PDE4D: variants seen among roughly 807,000 people sequenced by gnomAD.
PDE4D encodes phosphodiesterase 4D, also known as 3',5'-cyclic-AMP phosphodiesterase 4D.
A neutral mutation model predicts 87.4 loss-of-function variants in PDE4D; 24 were observed. The ratio of observed to expected loss-of-function variants is 0.27; its 90% CI spans 0.20 to 0.39. The LOEUF (loss-of-function observed/expected upper bound fraction) is 0.39. Among genes scored for constraint, PDE4D ranks in the 10% least tolerant of loss-of-function variants. The pLI is 1.00. For synonymous variants in PDE4D, 384 were observed against 383.2 expected (o/e 1.00, Z -0.02); for missense variants, 714 against 1,041.0 (o/e 0.69, Z 4.32).
intron 1 of PDE4D, among the ~76,000 whole-genome samples, chr5:59,248,116 T>A (rs372506049): frequency 9.4e-5 from 14 of 148,544 alleles, no homozygotes; most frequent in African/African-American, 3.2e-4. Context: ...TAAGTTATGT[T>A]CTTGCACTAT....
intron 1 of PDE4D, among the ~76,000 whole-genome samples, chr5:59,659,406 G>A (rs1744880438): frequency 6.6e-6 from 1 of 152,208 alleles, no homozygotes. Context: ...TGTTAGTAAA[G>A]AGAAACAACC....
intron 1 of PDE4D, among the ~76,000 whole-genome samples, chr5:59,559,394 C>T (rs1819546372): frequency 6.6e-6 from 1 of 152,150 alleles, no homozygotes; most frequent in Non-Finnish European, 1.5e-5. Context: ...ATGTGGGATT[C>T]ATTACAATGT....
intron 5 of PDE4D, among the ~76,000 whole-genome samples, chr5:59,148,637 C>T (rs753781492): frequency 3.0e-4 from 46 of 152,096 alleles, no homozygotes; most frequent in Non-Finnish European, 5.1e-4. Context: ...ATAACCTGTC[C>T]TGTCTGGAAT....
At chr5:59,007,042 C>G (rs533904926) in intron 6 of PDE4D, among the ~76,000 whole-genome samples, 1 of 152,174 alleles carries the variant, frequency 6.6e-6, no homozygotes, top group South Asian at 2.1e-4. Context: ...TTATATTTAG[C>G]CTAGAGCCTA....
intron 2 of PDE4D, among the ~76,000 whole-genome samples, chr5:60,121,377 T>G (rs993792879): frequency 2.0e-5 from 3 of 152,044 alleles, no homozygotes; most frequent in African/African-American, 7.2e-5. Flanking sequence ...TGTATTAGTC[T>G]GTTTTCATGT....
chr5:59,690,450 CA>C (rs1750715475), intron 1 of PDE4D, among the ~76,000 whole-genome samples: 1 of 152,050 alleles, frequency 6.6e-6, no homozygotes, highest in African/African-American at 2.4e-5. Context: ...ACAAACCTGA[CA>C]ACAATAAGAA....
intron 1 of PDE4D, among the ~76,000 whole-genome samples, chr5:59,280,576 ATGAATCTC>A (rs1765628374): frequency 1.3e-5 from 2 of 152,068 alleles, no homozygotes; most frequent in South Asian, 4.1e-4. Context: ...CTAAACTTAA[ATGAATCTC>A]TGCAAATTTA....
chr5:59,405,106 T>C (rs1333215464), intron 1 of PDE4D, among the ~76,000 whole-genome samples: 1 of 151,976 alleles, frequency 6.6e-6, no homozygotes, highest in African/African-American at 2.4e-5. Flanking sequence ...TATTTTTCTA[T>C]ATCTGTGAAG....
At chr5:60,431,883 C>A (rs943934833) in intron 1 of PDE4D, among the ~76,000 whole-genome samples, 3 of 152,216 alleles carry the variant, frequency 2.0e-5, no homozygotes, top group Non-Finnish European at 4.4e-5. Flanking sequence ...CCAGCCCGGC[C>A]AACACAGCGA....
At chr5:59,437,310 C>T (rs755827636) in intron 1 of PDE4D, among the ~76,000 whole-genome samples, 7 of 152,098 alleles carry the variant, frequency 4.6e-5, no homozygotes, top group African/African-American at 7.2e-5. Flanking sequence ...ATGACTTCTT[C>T]GACAGATGTC....
Position 59,789,217 on chromosome 5 carries a change from G to A in PDE4D, c.455+103951C>T, listed in dbSNP as rs1278922730. Among the ~76,000 whole-genome samples, 3 of 152,282 alleles carry A rather than the reference G, an allele frequency of 2.0e-5. No individual in the cohort carries two copies. The East Asian group carries it at 5.8e-4, about 29-fold the overall frequency. On this transcript the variant is annotated intron_variant, in intron 1 of 14. Coordinates refer to ENST00000340635, the MANE Select transcript of PDE4D (RefSeq NM_001104631.2). ...TTCAAGTGGTGAAGACCATTTCCAG[G>A]AAGAAAATTCACAAAAACTTTTTGT...
chr5:60,455,410 C>G (rs1239186522), intron 1 of PDE4D, among the ~76,000 whole-genome samples: 1 of 152,008 alleles, frequency 6.6e-6, no homozygotes, highest in Non-Finnish European at 1.5e-5. Flanking sequence ...AAATGAGAGA[C>G]AGAGGAAGGC....
intron 1 of PDE4D, among the ~76,000 whole-genome samples, chr5:60,513,047 A>T (rs1196318127): frequency 3.9e-5 from 6 of 152,182 alleles, no homozygotes; most frequent in Admixed American, 6.5e-5. Flanking sequence ...AAAAGATTTT[A>T]AAAAAGGGGA....
At chr5:59,372,194 A>T (rs949745737) in intron 1 of PDE4D, among the ~76,000 whole-genome samples, 2 of 152,240 alleles carry the variant, frequency 1.3e-5, no homozygotes, top group African/African-American at 2.4e-5. Context: ...AATGGACAAC[A>T]GAAGAAGCTT....
At chr5:60,413,494 A>G (rs918627361) in intron 1 of PDE4D, among the ~76,000 whole-genome samples, 2 of 152,148 alleles carry the variant, frequency 1.3e-5, no homozygotes, top group Non-Finnish European at 2.9e-5. Flanking sequence ...CGAAAGGAGA[A>G]ATAGATGGGA....
At chr5:59,799,549 G>A (rs1581165305) in intron 1 of PDE4D, among the ~76,000 whole-genome samples, 2 of 152,196 alleles carry the variant, frequency 1.3e-5, no homozygotes, top group Non-Finnish European at 2.9e-5. Context: ...GCAGTCATGG[G>A]GGGGCAGGAA....
At chr5:59,465,709 A>C (rs1280763086) in intron 1 of PDE4D, among the ~76,000 whole-genome samples, 1 of 152,186 alleles carries the variant, frequency 6.6e-6, no homozygotes. Context: ...ACATCTGCAC[A>C]CCTCTGTGAT....
intron 1 of PDE4D, among the ~76,000 whole-genome samples, chr5:60,365,307 C>A (rs145523496): frequency 2.0e-5 from 3 of 152,316 alleles, no homozygotes; most frequent in African/African-American, 7.2e-5. Context: ...TCTGATTTCA[C>A]ATCTTGATTT....
intron 2 of PDE4D, among the ~76,000 whole-genome samples, chr5:59,212,843 ATT>A (rs1411317800): frequency 6.6e-6 from 1 of 151,620 alleles, no homozygotes; most frequent in East Asian, 2.0e-4. Flanking sequence ...AACATTGTTT[ATT>A]GTTATCTATG....
Sources: allele counts gnomAD v4.1 joint callset (sites outside exome capture counted in the v4.1 genomes callset), GRCh38; gene constraint gnomAD v4.1.1; transcripts MANE v1.5; gene names NCBI Gene and HGNC (gene_info 2026-07-23, HGNC 2026-07-21).